Variants in ACAN observed in about 807,000 individuals in gnomAD.
ACAN encodes the protein aggrecan, also known as aggrecan core protein.
Under a neutral mutation model 169.1 loss-of-function variants are expected in ACAN, and 47 were observed. The ratio of observed to expected loss-of-function variants is 0.28; its 90% CI spans 0.22 to 0.35. The LOEUF (loss-of-function observed/expected upper bound fraction) is 0.35, where lower values mean the gene tolerates loss of function less well. Among genes scored for constraint, ACAN ranks in the 10% least tolerant of loss-of-function variants. The probability of loss-of-function intolerance (pLI) is 1.00; values close to 1 mark genes in which losing one functional copy is unlikely to be tolerated. For synonymous variants in ACAN, 1,115 were observed against 1,112.2 expected (o/e 1.00, Z -0.05); for missense variants, 2,716 against 2,759.9 (o/e 0.98, Z 0.36).
At chr15:88,853,352 G>T (rs28547091) in intron 11 of ACAN, among the ~76,000 whole-genome samples, 1 of 152,150 alleles carries the variant, frequency 6.6e-6, no homozygotes, top group South Asian at 2.1e-4. Context: ...AAAAAGAAAT[G>T]TAGGGCTGAG....
At chr15:88,831,697 T>C (rs1312145921) in intron 1 of ACAN, among the ~76,000 whole-genome samples, 1 of 152,208 alleles carries the variant, frequency 6.6e-6, no homozygotes, top group Admixed American at 6.5e-5. Context: ...CAACCTACCA[T>C]ATGGCCTTGA....
At position 88,871,603 on chromosome 15, in the gene ACAN, C is replaced by T; in HGVS notation, c.7219+63C>T. 1 of 1,534,072 alleles carries T rather than the reference C, an allele frequency of 6.5e-7. No individual in the cohort carries two copies. Among genetic ancestry groups the T allele is most frequent in the South Asian group, 1.2e-5 (1 of 80,610 alleles). ...TGGCGGTGTAGGCAAAGGGCCTCACCTTTCAGAAGGCAGCAGATTTGGGCC... is the reference window on the plus strand; with the variant it reads ...TGGCGGTGTAGGCAAAGGGCCTCACTTTTCAGAAGGCAGCAGATTTGGGCC... On this transcript the variant is annotated intron_variant, in intron 15 of 18. Transcript: ENST00000560601. This position sits in a 1 kb window ranked among gnomAD's most constrained non-coding sequence, Gnocchi z 7.8.
chr15:88,852,189 C>T (rs940794331), intron 11 of ACAN, among the ~76,000 whole-genome samples, 156 bp downstream of exon 11: 4 of 152,198 alleles, frequency 2.6e-5, no homozygotes, highest in African/African-American at 9.7e-5. Context: ...CAACTTCAGC[C>T]ACCTCAGCTG....
At chr15:88,837,985 C>G (rs1181864993) in intron 2 of ACAN, among the ~76,000 whole-genome samples, 1 of 150,562 alleles carries the variant, frequency 6.6e-6, no homozygotes, top group Admixed American at 6.6e-5. Context: ...GCTTGTTGCA[C>G]CTCCTCTATT....
Position 88,814,418 on chromosome 15 carries a change from T to C in ACAN, c.-8+10609T>C, listed in dbSNP as rs1307138502. ...TCTCAGCTGCTTTTCTGCCTACTTATGCTCTTAAGATAGTCTTACCATCCT... is the reference window on the plus strand; with the variant it reads ...TCTCAGCTGCTTTTCTGCCTACTTACGCTCTTAAGATAGTCTTACCATCCT... On this transcript the variant is annotated intron_variant, in intron 1 of 18. Transcript: ENST00000560601. The surrounding 1 kb of genome is among the most constrained non-coding windows in gnomAD (Gnocchi z 4.0). 1.3e-5 allele frequency among the ~76,000 whole-genome samples: 2 copies of C among 152,222 alleles called. No homozygotes were observed. The highest frequency in any genetic ancestry group is 4.8e-5 in the African/African-American group (2 of 41,466).
Position 88,854,955 on chromosome 15 carries a change from A to G in ACAN, c.2370A>G (p.Ser790=). The G allele has an allele frequency of 6.3e-7, 1 of 1,599,116 alleles. No homozygotes were observed. The highest frequency in any genetic ancestry group is 8.5e-7 in the Non-Finnish European group (1 of 1,173,308). ...VPSASEEPSP[S]EVPFPSEEPS... Reference sequence around the variant, plus strand: ...CTGCCTCAGAGGAACCATCCCCCTCAGAGGTGCCATTCCCCTCAGAGGAGC... The same window carrying G: ...CTGCCTCAGAGGAACCATCCCCCTCGGAGGTGCCATTCCCCTCAGAGGAGC... The change falls in exon 12 of 19, where the codon TCA becomes TCG. Residue 790 remains serine (S), a synonymous_variant. Coordinates refer to ENST00000560601, the MANE Select transcript of ACAN (RefSeq NM_001369268.1).
chr15:88,832,508 G>A (rs1279085857), intron 1 of ACAN, among the ~76,000 whole-genome samples: 1 of 152,152 alleles, frequency 6.6e-6, no homozygotes, highest in African/African-American at 2.4e-5. Context: ...CTACTCGATG[G>A]TTGAGGCAGG....
At chr15:88,827,782 C>T (rs962587803) in intron 1 of ACAN, among the ~76,000 whole-genome samples, 4 of 152,200 alleles carry the variant, frequency 2.6e-5, no homozygotes, top group Non-Finnish European at 4.4e-5. Context: ...CCTACAGCGT[C>T]CTATGCTATT....
chr15:88,867,864 A>G (rs1211386132), intron 13 of ACAN, among the ~76,000 whole-genome samples: 1 of 152,196 alleles, frequency 6.6e-6, no homozygotes, highest in East Asian at 1.9e-4. Context: ...GGTCTCTCAA[A>G]ATATTCACAA....
intron 1 of ACAN, among the ~76,000 whole-genome samples, chr15:88,823,725 C>G (rs1468081328): frequency 2.0e-5 from 3 of 152,138 alleles, no homozygotes; most frequent in Non-Finnish European, 4.4e-5. Flanking sequence ...CTCCCAGCCT[C>G]TTGGAGATGC....
chr15:88,846,963 A>G (rs1896805817), intron 7 of ACAN, among the ~76,000 whole-genome samples: 1 of 152,244 alleles, frequency 6.6e-6, no homozygotes, highest in Admixed American at 6.5e-5. Flanking sequence ...CAGGTAGCAT[A>G]GAGCCCAGTG....
intron 1 of ACAN, among the ~76,000 whole-genome samples, chr15:88,804,044 C>G (rs1208331663): frequency 6.6e-6 from 1 of 152,228 alleles, no homozygotes; most frequent in Non-Finnish European, 1.5e-5. Context: ...AGGAGGGGCA[C>G]TTGTCTCCTA....
At chr15:88,813,604 T>G (rs984531237) in intron 1 of ACAN, among the ~76,000 whole-genome samples, 1 of 152,236 alleles carries the variant, frequency 6.6e-6, no homozygotes, top group Non-Finnish European at 1.5e-5. Flanking sequence ...ATGTATAGTT[T>G]TAGGTGCTAC....
chr15:88,831,248 T>C (rs1171643141), intron 1 of ACAN, among the ~76,000 whole-genome samples: 1 of 152,228 alleles, frequency 6.6e-6, no homozygotes, highest in African/African-American at 2.4e-5. Context: ...ACCCTGATTG[T>C]TCCTCCTCTG....
chr15:88,832,541 C>T (rs1041524670), intron 1 of ACAN, among the ~76,000 whole-genome samples: 4 of 152,108 alleles, frequency 2.6e-5, no homozygotes, highest in Non-Finnish European at 5.9e-5. Context: ...ACCTGGGAGG[C>T]AGAGGTTGCA....
intron 1 of ACAN, among the ~76,000 whole-genome samples, chr15:88,804,514 G>C (rs2141476979): frequency 6.6e-6 from 1 of 152,278 alleles, no homozygotes; most frequent in South Asian, 2.1e-4. Flanking sequence ...ATTTCTCAAG[G>C]AAGAAAGGGG....
chr15:88,840,234 AG>A, intron 4 of ACAN, 48 bp downstream of exon 4: 14 of 1,516,320 alleles, frequency 9.2e-6, no homozygotes, highest in Non-Finnish European at 1.2e-5. Context: ...CAGCAGCCAC[AG>A]GGGAGTGGGG....
chr15:88,858,221 C>T lies in ACAN; in HGVS notation c.5636C>T (p.Ser1879Phe). 1.2e-6 allele frequency: 2 copies of T among 1,613,940 alleles called. No individual in the cohort carries two copies. Among genetic ancestry groups the T allele is most frequent in the East Asian group, 4.5e-5 (2 of 44,882 alleles). The change falls in exon 12 of 19, where the codon TCT (serine) becomes TTT (phenylalanine). Residue 1879 changes from serine to phenylalanine, a missense_variant. Physicochemically the swap from Ser to Phe is radical, Grantham distance 155 (BLOSUM62 -2). Transcript: ENST00000560601. The surrounding 1 kb of genome is among the most constrained non-coding windows in gnomAD (Gnocchi z 4.0). ...ATGGTGGATGTCAGTGGACAGTTTTCTGGAACAGTCGATTCCAGTGGGTTT... is the reference window on the plus strand; with the variant it reads ...ATGGTGGATGTCAGTGGACAGTTTTTTGGAACAGTCGATTCCAGTGGGTTT... The part of the protein sequence containing the change: ...SGMVDVSGQF[S>F]GTVDSSGFTS...
At chr15:88,818,494 C>T (rs1382871697) in intron 1 of ACAN, among the ~76,000 whole-genome samples, 2 of 152,214 alleles carry the variant, frequency 1.3e-5, no homozygotes, top group East Asian at 1.9e-4. Context: ...CCAGAGTTGG[C>T]CCCAGTTCCC....
Sources: allele counts gnomAD v4.1 joint callset (sites outside exome capture counted in the v4.1 genomes callset), GRCh38; gene constraint gnomAD v4.1.1; non-coding constraint Gnocchi (gnomAD v3.1); transcripts MANE v1.5; gene names NCBI Gene and HGNC (gene_info 2026-07-23, HGNC 2026-07-21).